FHIP2B: variants seen among roughly 807,000 people sequenced by gnomAD.
FHIP2B encodes FHF complex subunit HOOK-interacting protein 2B.
Under a neutral mutation model 84.0 loss-of-function variants are expected in FHIP2B, and 72 were observed. That is an observed-to-expected ratio of 0.86 (90% CI 0.71 to 1.04). The LOEUF (loss-of-function observed/expected upper bound fraction) is 1.04, where lower values mean the gene tolerates loss of function less well. Among genes scored for constraint, FHIP2B ranks in the 50% least tolerant of loss-of-function variants. The pLI is 0.00. For missense variants in FHIP2B, 972 were observed against 968.9 expected (o/e 1.00, Z -0.04); for synonymous variants, 497 against 418.7 (o/e 1.19, Z -2.28).
rs1180349771 is a variant in FHIP2B at position 22,098,181 on chromosome 8, C to A, written c.639C>A (p.Pro213=). The change falls in exon 6 of 17, where the codon CCC becomes CCA. Residue 213 remains proline (P), a synonymous_variant. Transcript: ENST00000289921. ...DCSHDGAPAR[P]QLDGESCGAQ... ...CCCACGATGGTGCTCCTGCCAGGCC[C>A]CAGCTGGACGGGGAGTCCTGTGGGG... 1 of 1,576,186 alleles carries A rather than the reference C, an allele frequency of 6.3e-7. No homozygotes were observed. Among genetic ancestry groups the A allele is most frequent in the African/African-American group, 1.4e-5 (1 of 74,068 alleles).
intron 11 of FHIP2B, 40 bp downstream of exon 11, chr8:22,100,779 T>C (rs747099586): frequency 4.4e-5 from 71 of 1,610,684 alleles, no homozygotes; most frequent in Non-Finnish European, 5.8e-5. Flanking sequence ...GCCCAGCCCT[T>C]AGCACTCGCA....
In FHIP2B at chr8:22,098,140, G is replaced by A. The variant is rs761120943; in HGVS notation, c.598G>A (p.Gly200Arg). ...CCTGCCTAAGGACACAACCAGCCAC[G>A]GGGACAAGGACTGCTCCCACGATGG... ...TALPKDTTSH[G>R]DKDCSHDGAP... is the part of the protein sequence containing the mutation. Residue 200 changes from glycine to arginine, a missense_variant, in exon 6 of 17, where the codon GGG (glycine) becomes AGG (arginine). Coordinates refer to ENST00000289921, the MANE Select transcript of FHIP2B (RefSeq NM_022749.7). 24 of 1,581,450 alleles carry A rather than the reference G, an allele frequency of 1.5e-5. No homozygotes were observed. The highest frequency in any genetic ancestry group is 1.7e-4 in the Middle Eastern group (1 of 6,028).
In FHIP2B at chr8:22,089,216, C is replaced by A; in HGVS notation, c.-38C>A. 2 of 1,057,218 alleles carry A rather than the reference C, an allele frequency of 1.9e-6. No individual in the cohort carries two copies. Among genetic ancestry groups the A allele is most frequent in the South Asian group, 4.4e-5 (1 of 22,768 alleles). 65.5% of individuals were successfully genotyped at this position (1,057,218 alleles called of 1,614,324 possible). A position where few individuals can be genotyped will look rare whatever the true frequency, so the allele number is the denominator to read the frequency against. On this transcript the variant is annotated 5_prime_UTR_variant, in exon 1 of 17. Transcript: ENST00000289921. Reference sequence around the variant, plus strand: ...CCTCCTCCGCCTAGAGCGCTGCCGCCGCCGCTTTCGCCCGGGAGCCGGGGG... The same window carrying A: ...CCTCCTCCGCCTAGAGCGCTGCCGCAGCCGCTTTCGCCCGGGAGCCGGGGG...
Position 22,104,163 on chromosome 8 carries a change from G to A in FHIP2B, c.*1232G>A, listed in dbSNP as rs1292639812. 6.6e-6 allele frequency: 1 copy of A among 152,326 alleles called. No individual in the cohort carries two copies. The highest frequency in any genetic ancestry group is 6.5e-5 in the Admixed American group (1 of 15,276). The allele number at this position is 152,326 out of a possible 1,614,324, so 9.4% of individuals were successfully genotyped here. A position where few individuals can be genotyped will look rare whatever the true frequency, so the allele number is the denominator to read the frequency against. ...ATTCCTCCCCGCGGGGGAGGACCTC[G>A]CCGCTCTGAAGAGCACCGTGCACAT... On this transcript the variant is annotated 3_prime_UTR_variant, in exon 17 of 17. Coordinates refer to ENST00000289921, the MANE Select transcript of FHIP2B (RefSeq NM_022749.7).
rs778662130 is a variant in FHIP2B, at chr8:22,101,814, G to A, written c.1814G>A (p.Arg605Gln). The stretch of plus-strand genomic sequence containing the variant: ...CCTTTCTTCGAGGGCCACTTCCTCC[G>A]AGTGCTGTTTGACCGCATGTCCCGG... ...ERPFFEGHFL[R>Q]VLFDRMSRIL... is the part of the protein sequence containing the mutation. Residue 605 changes from arginine (R) to glutamine (Q), a missense_variant, in exon 14 of 17, where the codon CGA becomes CAA. Coordinates refer to ENST00000289921, the MANE Select transcript of FHIP2B (RefSeq NM_022749.7). 1.6e-5 allele frequency: 26 copies of A among 1,613,524 alleles called. No individual in the cohort carries two copies. The East Asian group carries it at 3.3e-4, about 21-fold the overall frequency.
Position 22,099,839 on chromosome 8 carries a change from C to T in FHIP2B, c.1287C>T (p.Asn429=). The T allele has an allele frequency of 4.3e-6, 7 of 1,613,122 alleles. No homozygotes were observed. The highest frequency in any genetic ancestry group is 5.9e-6 in the Non-Finnish European group (7 of 1,179,662). The part of the protein sequence containing the change: ...TDRQPEAPGD[N]PHTLYAHLIG... ...GGCAGCCTGAAGCCCCCGGGGACAACCCCCACACCCTGTATGCTCATCTCA... is the reference window on the plus strand; with the variant it reads ...GGCAGCCTGAAGCCCCCGGGGACAATCCCCACACCCTGTATGCTCATCTCA... Residue 429 remains asparagine (N), a synonymous_variant, in exon 10 of 17, where the codon AAC becomes AAT. Transcript: ENST00000289921.
At chr8:22,092,863 C>G (rs1312494731) in intron 1 of FHIP2B, among the ~76,000 whole-genome samples, 1 of 152,212 alleles carries the variant, frequency 6.6e-6, no homozygotes, top group Non-Finnish European at 1.5e-5. Context: ...GAGGTCACTA[C>G]TTTCCACCTC....
At chr8:22,093,327 G>A (rs1825593059) in intron 1 of FHIP2B, among the ~76,000 whole-genome samples, 1 of 152,172 alleles carries the variant, frequency 6.6e-6, no homozygotes, top group Non-Finnish European at 1.5e-5. Flanking sequence ...TGTTGTTGTT[G>A]TTGTTGTTGT....
intron 1 of FHIP2B, among the ~76,000 whole-genome samples, chr8:22,093,578 G>A (rs565289999): frequency 5.9e-5 from 9 of 152,216 alleles, no homozygotes; most frequent in Admixed American, 2.0e-4. Context: ...AAGCATGTAA[G>A]CATGTTATAA....
chr8:22,100,388 A>G, intron 10 of FHIP2B: 1 of 478,788 alleles, frequency 2.1e-6, no homozygotes, highest in Non-Finnish European at 3.5e-6. Flanking sequence ...TTGCACATCA[A>G]ATTAGTCACA....
chr8:22,094,581 A>G, intron 2 of FHIP2B, 63 bp downstream of exon 2: 1 of 1,600,416 alleles, frequency 6.2e-7, no homozygotes, highest in Admixed American at 1.7e-5. Flanking sequence ...GAGTGTGCAG[A>G]GTGTCACCAT....
At chr8:22,100,442 C>G (rs1826040001) in intron 10 of FHIP2B, 152 bp from the exon 11 acceptor site, 4 of 785,202 alleles carry the variant, frequency 5.1e-6, no homozygotes, top group Admixed American at 4.0e-5. Flanking sequence ...GCCCACACCC[C>G]CCAACTACCC....
At chr8:22,089,376 G>A (rs1385103222) in intron 1 of FHIP2B, 78 bp downstream of exon 1, 4 of 898,424 alleles carry the variant, frequency 4.5e-6, no homozygotes, top group Non-Finnish European at 5.3e-6. Flanking sequence ...AGCCGGGCGC[G>A]GCCCGCAGGA....
chr8:22,097,363 A>T (rs1252203913), intron 3 of FHIP2B, among the ~76,000 whole-genome samples, 153 bp from the exon 4 acceptor site: 1 of 151,094 alleles, frequency 6.6e-6, no homozygotes, highest in African/African-American at 2.4e-5. Context: ...CACGGCTCTG[A>T]CAGGCGCTCT....
In FHIP2B at chr8:22,098,198, C is replaced by A. The variant is rs1329314586; in HGVS notation, c.656C>A (p.Ser219Tyr). Residue 219 changes from serine (S) to tyrosine (Y), a missense_variant, in exon 6 of 17, where the codon TCC becomes TAC. Ser to Tyr is a moderately radical substitution (Grantham distance 144). Coordinates refer to ENST00000289921, the MANE Select transcript of FHIP2B (RefSeq NM_022749.7). ...GCCAGGCCCCAGCTGGACGGGGAGTCCTGTGGGGCCCAGGCCTTGAACAGC... is the reference window on the plus strand; with the variant it reads ...GCCAGGCCCCAGCTGGACGGGGAGTACTGTGGGGCCCAGGCCTTGAACAGC... ...APARPQLDGE[S>Y]CGAQALNSHM... 1.3e-6 allele frequency: 2 copies of A among 1,579,394 alleles called. No individual in the cohort carries two copies. The highest frequency in any genetic ancestry group is 2.7e-5 in the African/African-American group (2 of 74,126).
intron 1 of FHIP2B, among the ~76,000 whole-genome samples, chr8:22,091,104 C>T (rs1022123833): frequency 6.6e-6 from 1 of 152,132 alleles, no homozygotes; most frequent in Non-Finnish European, 1.5e-5. Flanking sequence ...GTGCTCTACC[C>T]TCAGGTCGCC....
Position 22,101,871 on chromosome 8 carries a change from CAGG to C in FHIP2B, c.1851+23_1851+25del. On this transcript the variant is annotated intron_variant, in intron 14 of 16. Coordinates refer to ENST00000289921, the MANE Select transcript of FHIP2B (RefSeq NM_022749.7). ...GATCAGGTAGCTAGTGGGCCTGGGC[CAGG>C]AGAACTCCAGGCTGGTGCCTCTGGG... 1 of 1,611,326 alleles carries C rather than the reference CAGG, an allele frequency of 6.2e-7. No homozygotes were observed. The highest frequency in any genetic ancestry group is 2.2e-5 in the East Asian group (1 of 44,812).
intron 1 of FHIP2B, among the ~76,000 whole-genome samples, chr8:22,091,620 G>A (rs1366532052): frequency 2.0e-5 from 3 of 152,200 alleles, no homozygotes; most frequent in African/African-American, 4.8e-5. Context: ...TGGTGGTGGA[G>A]TTAGGTAAAG....
intron 10 of FHIP2B, 106 bp from the exon 11 acceptor site, chr8:22,100,488 G>A (rs1387710959): frequency 7.9e-6 from 10 of 1,273,340 alleles, no homozygotes; most frequent in African/African-American, 3.1e-5. Flanking sequence ...GCCAAGGGAG[G>A]TGACTCTGCC....
Sources: allele counts gnomAD v4.1 joint callset (sites outside exome capture counted in the v4.1 genomes callset), GRCh38; gene constraint gnomAD v4.1.1; transcripts MANE v1.5; gene names NCBI Gene and HGNC (gene_info 2026-07-23, HGNC 2026-07-21).